TMEM232: variants seen among roughly 807,000 people sequenced by gnomAD.
TMEM232 encodes transmembrane protein 232.
A neutral mutation model predicts 78.8 loss-of-function variants in TMEM232; 80 were observed. That is an observed-to-expected ratio of 1.01 (90% CI 0.85 to 1.22). The LOEUF (loss-of-function observed/expected upper bound fraction) is 1.22. Ranked by LOEUF, TMEM232 falls within the 50% of genes most tolerant of loss-of-function variation. TMEM232 has a pLI of 0.00. For missense variants in TMEM232, 881 were observed against 742.2 expected (o/e 1.19, Z -2.17); for synonymous variants, 297 against 254.3 (o/e 1.17, Z -1.60).
intron 12 of TMEM232, among the ~76,000 whole-genome samples, chr5:110,490,344 G>C: frequency 6.6e-6 from 1 of 152,088 alleles, no homozygotes; most frequent in East Asian, 1.9e-4. Flanking sequence ...AAAAATTACA[G>C]AATATCATTG....
At chr5:110,681,612 T>C (rs1740207512) in intron 1 of TMEM232, among the ~76,000 whole-genome samples, 1 of 152,224 alleles carries the variant, frequency 6.6e-6, no homozygotes, top group Admixed American at 6.5e-5. Context: ...TTATTCATTG[T>C]TGGACCTAAA....
Position 110,473,492 on chromosome 5 carries a change from C to T in TMEM232, c.1704-48576G>A, listed in dbSNP as rs116298679. ...TGCACTGTTGGTAGGAATATAAATTCGTACAGTCATTATGTTAAATATTAT... is the reference window on the plus strand; with the variant it reads ...TGCACTGTTGGTAGGAATATAAATTTGTACAGTCATTATGTTAAATATTAT... On this transcript the variant is annotated intron_variant, in intron 12 of 13. Transcript: ENST00000455884. Among the ~76,000 whole-genome samples the T allele has an allele frequency of 5.1e-3, 771 of 151,252 alleles. 7 individuals carry two copies. Among genetic ancestry groups the T allele is most frequent in the African/African-American group, 0.018 (729 of 41,324 alleles).
intron 12 of TMEM232, among the ~76,000 whole-genome samples, chr5:110,523,531 A>G (rs1769869693): frequency 6.6e-6 from 1 of 152,010 alleles, no homozygotes; most frequent in Non-Finnish European, 1.5e-5. Flanking sequence ...TATCCCTCTT[A>G]GTACTGCTTT....
chr5:110,577,559 G>C (rs148200794), intron 10 of TMEM232, among the ~76,000 whole-genome samples: 1 of 152,108 alleles, frequency 6.6e-6, no homozygotes, highest in African/African-American at 2.4e-5. Flanking sequence ...TTATTATGAA[G>C]ACACATGCAT....
chr5:110,610,705 CT>C, intron 8 of TMEM232: 1 of 349,644 alleles, frequency 2.9e-6, no homozygotes, highest in South Asian at 2.2e-5. Context: ...AACAAGAGGA[CT>C]GACGACTTCG....
At chr5:110,627,406 G>C (rs569013749) in intron 6 of TMEM232, among the ~76,000 whole-genome samples, 2 of 152,110 alleles carry the variant, frequency 1.3e-5, no homozygotes, top group African/African-American at 2.4e-5. Flanking sequence ...GGAGTAGGTC[G>C]TGAGAACGGA....
rs556121975 is a variant in TMEM232, at chr5:110,413,887, C to T, written n.308+10936G>A. Among the ~76,000 whole-genome samples, 75 of 152,294 alleles carry T rather than the reference C, an allele frequency of 4.9e-4. 1 individual carries two copies. Among genetic ancestry groups the T allele is most frequent in the African/African-American group, 1.7e-3 (72 of 41,566 alleles). ...AAGACACTGTAAATTGTCAAGCCAA[C>T]AAGTAAATACTTCAGCCCAGAAGTG... On this transcript the variant is annotated intron_variant and non_coding_transcript_variant, in intron 2 of 8. Transcript: ENST00000507188.
chr5:110,491,498 G>A (rs1035342325), intron 12 of TMEM232, among the ~76,000 whole-genome samples: 6 of 152,026 alleles, frequency 3.9e-5, no homozygotes, highest in Non-Finnish European at 5.9e-5. Flanking sequence ...GGGACTGGGG[G>A]AAGAGAAGAA....
At chr5:110,721,416 T>C (rs1004977539) in intron 1 of TMEM232, among the ~76,000 whole-genome samples, 1 of 151,634 alleles carries the variant, frequency 6.6e-6, no homozygotes, top group South Asian at 2.1e-4. Context: ...GTGCTTCTGT[T>C]TGTCATAATG....
chr5:110,468,462 A>G (rs1158388760), intron 12 of TMEM232, among the ~76,000 whole-genome samples: 1 of 152,086 alleles, frequency 6.6e-6, no homozygotes, highest in Non-Finnish European at 1.5e-5. Context: ...TATAGCCCTA[A>G]ATAAAAGCTT....
chr5:110,694,660 C>T (rs1214525522), intron 1 of TMEM232, among the ~76,000 whole-genome samples: 2 of 151,874 alleles, frequency 1.3e-5, no homozygotes, highest in African/African-American at 4.8e-5. Context: ...CAATCCTAGT[C>T]GCTGATAAAA....
intron 8 of TMEM232, among the ~76,000 whole-genome samples, chr5:110,613,129 T>C (rs949633293): frequency 2.0e-4 from 30 of 152,150 alleles, no homozygotes; most frequent in African/African-American, 7.0e-4. Context: ...TTCCCCAGTT[T>C]TTCCCTGTCC....
chr5:110,668,077 T>C (rs537001399), intron 1 of TMEM232, among the ~76,000 whole-genome samples: 2 of 152,262 alleles, frequency 1.3e-5, no homozygotes, highest in South Asian at 2.1e-4. Flanking sequence ...TTTTTTTAAA[T>C]AGCTAAATTT....
chr5:110,638,277 G>C lies in TMEM232; in HGVS notation c.422C>G (p.Ala141Gly). The C allele has an allele frequency of 6.4e-7, 1 of 1,550,624 alleles. No individual in the cohort carries two copies. The highest frequency in any genetic ancestry group is 8.7e-7 in the Non-Finnish European group (1 of 1,146,416). ...YDHLPALFFV[A>G]ESVLYRLCCD... Reference sequence around the variant, plus strand: ...ACACAGTCTGTATAAAACCGATTCCGCAACAAAAAATAAGGCAGGCAGATG... The same window carrying C: ...ACACAGTCTGTATAAAACCGATTCCCCAACAAAAAATAAGGCAGGCAGATG... The change falls in exon 5 of 14, where the codon GCG (alanine) becomes GGG (glycine). Residue 141 changes from alanine (A) to glycine (G), a missense_variant. Ala to Gly is a moderately conservative substitution (Grantham distance 60). Transcript: ENST00000455884.
At chr5:110,587,916 A>T (rs560826216) in intron 10 of TMEM232, among the ~76,000 whole-genome samples, 1 of 151,752 alleles carries the variant, frequency 6.6e-6, no homozygotes, top group African/African-American at 2.4e-5. Flanking sequence ...ACAGTGAATG[A>T]TTAAGATTGT....
chr5:110,656,303 G>A (rs531940257), intron 2 of TMEM232, among the ~76,000 whole-genome samples: 1 of 152,196 alleles, frequency 6.6e-6, no homozygotes, highest in East Asian at 1.9e-4. Flanking sequence ...CTGCCAAGCT[G>A]GCCATTTTAT....
At chr5:110,510,537 A>G (rs1767597330) in intron 12 of TMEM232, among the ~76,000 whole-genome samples, 1 of 152,188 alleles carries the variant, frequency 6.6e-6, no homozygotes, top group Non-Finnish European at 1.5e-5. Flanking sequence ...ATTGAATGGC[A>G]TATTTCATGT....
intron 12 of TMEM232, among the ~76,000 whole-genome samples, chr5:110,508,110 G>GA (rs34910719): frequency 1.3e-5 from 2 of 151,370 alleles, no homozygotes; most frequent in African/African-American, 2.4e-5. Context: ...TTTCATGAAG[G>GA]AAAAAAAACC....
At chr5:110,605,507 T>G in intron 9 of TMEM232, 149 bp from the exon 10 acceptor site, 1 of 788,944 alleles carries the variant, frequency 1.3e-6, no homozygotes, top group Non-Finnish European at 1.8e-6. Flanking sequence ...ATGAGTAGAC[T>G]GCATAAAATA....
Sources: allele counts gnomAD v4.1 joint callset (sites outside exome capture counted in the v4.1 genomes callset), GRCh38; gene constraint gnomAD v4.1.1; transcripts MANE v1.5; gene names NCBI Gene and HGNC (gene_info 2026-07-23, HGNC 2026-07-21).